DNER: variants seen among roughly 807,000 people sequenced by gnomAD.
DNER encodes the protein delta/notch like EGF repeat containing, also known as delta and Notch-like epidermal growth factor-related receptor.
DNER carries 33 observed loss-of-function variants against 78.2 expected under a neutral mutation model. The observed-to-expected ratio is 0.42, with a 90% CI of 0.32 to 0.56. DNER has a LOEUF of 0.56. Ranked by LOEUF, DNER falls within the 20% of genes least tolerant of loss-of-function variation. The pLI, the probability that DNER is intolerant of heterozygous loss-of-function variation, is 0.11. For synonymous variants in DNER, 417 were observed against 384.8 expected (o/e 1.08, Z -0.98); for missense variants, 918 against 975.3 (o/e 0.94, Z 0.78).
At chr2:229,523,754 A>G (rs963976448) in intron 5 of DNER, among the ~76,000 whole-genome samples, 38 of 152,302 alleles carry the variant, frequency 2.5e-4, no homozygotes, top group African/African-American at 8.9e-4. Flanking sequence ...TCCTTCACAG[A>G]TATCTGATGC....
intron 1 of DNER, among the ~76,000 whole-genome samples, chr2:229,630,631 C>G (rs1698418832): frequency 6.6e-6 from 1 of 151,708 alleles, no homozygotes; most frequent in Non-Finnish European, 1.5e-5. Context: ...ATCTCATTTT[C>G]TTTTTTAAAA....
chr2:229,563,475 TATC>T (rs746131592), intron 4 of DNER, among the ~76,000 whole-genome samples: 5 of 36,114 alleles, frequency 1.4e-4, no homozygotes, highest in South Asian at 1.9e-3. Context: ...CCATCGCCAT[TATC>T]ATCATCATCC....
chr2:229,378,098 G>A (rs376421269), intron 11 of DNER, among the ~76,000 whole-genome samples: 3 of 152,120 alleles, frequency 2.0e-5, no homozygotes, highest in Admixed American at 6.6e-5. Context: ...AAGGCACCAC[G>A]AGCCAAGAAA....
chr2:229,499,248 C>A (rs776474641), intron 6 of DNER, among the ~76,000 whole-genome samples: 2 of 151,958 alleles, frequency 1.3e-5, no homozygotes, highest in Non-Finnish European at 2.9e-5. Flanking sequence ...GAGTTTGAGA[C>A]CAGCCTGGCC....
chr2:229,402,712 T>TA (rs1188649005), intron 10 of DNER, among the ~76,000 whole-genome samples: 2 of 152,100 alleles, frequency 1.3e-5, no homozygotes, highest in Non-Finnish European at 2.9e-5. Flanking sequence ...TGGTTTCAGG[T>TA]AAAAAAATAA....
intron 11 of DNER, among the ~76,000 whole-genome samples, chr2:229,369,482 TA>T (rs1020504122): frequency 4.4e-4 from 64 of 144,674 alleles, no homozygotes; most frequent in Admixed American, 8.3e-4. Flanking sequence ...TCTAAAAAGT[TA>T]AAAAAAAAAA....
chr2:229,644,728 A>G (rs1247655246), intron 1 of DNER, among the ~76,000 whole-genome samples: 1 of 152,162 alleles, frequency 6.6e-6, no homozygotes, highest in African/African-American at 2.4e-5. Flanking sequence ...TCATCCTGAC[A>G]ATTAAGAGAA....
chr2:229,420,062 A>T (rs1156664374), intron 8 of DNER, among the ~76,000 whole-genome samples: 2 of 151,770 alleles, frequency 1.3e-5, no homozygotes, highest in African/African-American at 4.8e-5. Context: ...ACCAGGGGTC[A>T]GCAAACTATG....
At chr2:229,592,622 G>C (rs1009735913) in intron 1 of DNER, among the ~76,000 whole-genome samples, 1 of 152,204 alleles carries the variant, frequency 6.6e-6, no homozygotes, top group Non-Finnish European at 1.5e-5. Context: ...TCTGGGGAAA[G>C]TGTTTATCTC....
intron 8 of DNER, among the ~76,000 whole-genome samples, chr2:229,424,927 T>C (rs764150760): frequency 2.0e-4 from 31 of 152,288 alleles, no homozygotes; most frequent in Middle Eastern, 3.4e-3. Context: ...TGATTAAAAA[T>C]GTCCCCATTG....
chr2:229,374,305 C>T (rs182844950), intron 11 of DNER, among the ~76,000 whole-genome samples: 10 of 152,214 alleles, frequency 6.6e-5, no homozygotes, highest in African/African-American at 2.4e-4. Flanking sequence ...AGTACCTGGG[C>T]GACAGGATCA....
intron 1 of DNER, among the ~76,000 whole-genome samples, chr2:229,611,321 A>G (rs1168711846): frequency 6.6e-6 from 1 of 152,256 alleles, no homozygotes; most frequent in African/African-American, 2.4e-5. Context: ...GAAGCACTAT[A>G]AAAAATTTAC....
At chr2:229,494,024 T>C (rs1695454987) in intron 6 of DNER, among the ~76,000 whole-genome samples, 1 of 152,192 alleles carries the variant, frequency 6.6e-6, no homozygotes, top group African/African-American at 2.4e-5. Context: ...ATAAGCTACA[T>C]GAACCTCTCT....
At chr2:229,482,767 G>A (rs537872307) in intron 6 of DNER, among the ~76,000 whole-genome samples, 1 of 152,346 alleles carries the variant, frequency 6.6e-6, no homozygotes, top group Non-Finnish European at 1.5e-5. Context: ...GAGAGGACCA[G>A]TGGAGTTATA....
intron 11 of DNER, among the ~76,000 whole-genome samples, chr2:229,381,261 A>G (rs774828210): frequency 2.6e-5 from 4 of 152,118 alleles, no homozygotes; most frequent in Non-Finnish European, 5.9e-5. Flanking sequence ...TACTTTTCCC[A>G]TGGTCTTCAC....
At chr2:229,650,434 A>C (rs1197942780) in intron 1 of DNER, among the ~76,000 whole-genome samples, 6 of 152,214 alleles carry the variant, frequency 3.9e-5, no homozygotes, top group Admixed American at 3.9e-4. Context: ...ATGAAAACAC[A>C]TTTCCGTAAT....
intron 5 of DNER, among the ~76,000 whole-genome samples, chr2:229,513,213 A>C (rs1296601983): frequency 1.3e-5 from 2 of 152,240 alleles, no homozygotes; most frequent in Non-Finnish European, 2.9e-5. Context: ...TTTTAAGCTA[A>C]AATTGAAGTT....
chr2:229,398,991 A>G (rs1011209165), intron 10 of DNER, among the ~76,000 whole-genome samples: 1 of 152,070 alleles, frequency 6.6e-6, no homozygotes, highest in Admixed American at 6.5e-5. Flanking sequence ...GAAAGACTGA[A>G]TGCTTTTCCC....
rs1054880551 is a variant in DNER, at chr2:229,358,387, T to C, written c.*153A>G. The C allele has an allele frequency of 4.7e-6, 3 of 635,122 alleles. No homozygotes were observed. In the Admixed American group the frequency reaches 1.0e-4, roughly 22 times the overall value. 39.3% of individuals were successfully genotyped at this position (635,122 alleles called of 1,614,324 possible). On this transcript the variant is annotated 3_prime_UTR_variant, in exon 13 of 13. Transcript: ENST00000341772. The stretch of plus-strand genomic sequence containing the variant: ...CAAATTTTGTTTTTAAAATATTTTT[T>C]CCAAACTAAAAGCTGCAGAAAATTA...
Sources: gnomAD v4.1 joint callset for allele counts (sites outside exome capture counted in the v4.1 genomes callset) on GRCh38, gnomAD v4.1.1 for gene constraint, MANE v1.5 for transcripts, NCBI Gene and HGNC (gene_info 2026-07-23, HGNC 2026-07-21) for gene names.